The following NXPE4 variants were observed in gnomAD, a reference collection of about 807,000 sequenced individuals.
NXPE4 encodes NXPE family member 4.
A neutral mutation model predicts 33.3 loss-of-function variants in NXPE4; 42 were observed. That is an observed-to-expected ratio of 1.26 (90% CI 0.98 to 1.63). The LOEUF (loss-of-function observed/expected upper bound fraction) is 1.63. Ranked by LOEUF, NXPE4 falls within the 40% of genes most tolerant of loss-of-function variation. The pLI, the probability that NXPE4 is intolerant of heterozygous loss-of-function variation, is 0.00. For synonymous variants in NXPE4, 253 were observed against 234.9 expected, an observed-to-expected ratio of 1.08 and a Z score of -0.71; for missense variants, 709 against 647.6, an observed-to-expected ratio of 1.09 and a Z score of -1.03.
chr11:114,579,096 G>T (rs1257221283), intron 5 of NXPE4, among the ~76,000 whole-genome samples: 1 of 152,166 alleles, frequency 6.6e-6, no homozygotes, highest in Non-Finnish European at 1.5e-5. Context: ...CATGGCATCG[G>T]CATCTGTTCA....
Position 114,571,197 on chromosome 11 carries a change from T to A in NXPE4, c.1376A>T (p.Gln459Leu). The A allele has an allele frequency of 1.9e-6, 3 of 1,614,068 alleles. No individual in the cohort carries two copies. The highest frequency in any genetic ancestry group is 2.5e-6 in the Non-Finnish European group (3 of 1,179,958). ...GTCTGGGCTTCTCAGAAGAAGATGC[T>A]GAATGGCTTTGTGGACATTGAGGGC... is the stretch of plus-strand genomic sequence containing the variant. ...RRALNVHKAIQHLLLRSPDTM... is the reference protein window; with the variant it reads ...RRALNVHKAILHLLLRSPDTM... Residue 459 changes from glutamine to leucine, a missense_variant, in exon 6 of 6, where the codon CAG becomes CTG. Transcript: ENST00000375478.
At chr11:114,611,377 T>C in the NXPE4 span, among the ~76,000 whole-genome samples, 3 of 151,934 alleles carry the variant, frequency 2.0e-5, no homozygotes, top group African/African-American at 7.2e-5. Flanking sequence ...TAATAAGTGT[T>C]GCCTCGTGGG....
At chr11:114,618,204 T>C in the NXPE4 span, among the ~76,000 whole-genome samples, 2 of 150,252 alleles carry the variant, frequency 1.3e-5, no homozygotes, top group Admixed American at 1.3e-4. Flanking sequence ...ATTGCCTCAT[T>C]GGTCACCACT....
chr11:114,639,593 C>T, the NXPE4 span, among the ~76,000 whole-genome samples: 29 of 149,766 alleles, frequency 1.9e-4, no homozygotes, highest in African/African-American at 7.1e-4. Flanking sequence ...TGGAGCTGTT[C>T]CTATTCGGCC....
In NXPE4 at chr11:114,570,873, G is replaced by A; in HGVS notation, c.*65C>T. On this transcript the variant is annotated 3_prime_UTR_variant, in exon 6 of 6. Coordinates refer to ENST00000375478, the MANE Select transcript of NXPE4 (RefSeq NM_001077639.2). Reference sequence around the variant, plus strand: ...AATTCAGAGCCAAACACAGCATCTGGCCTGCTAGTAGACAGTCAATAAATT... The same window carrying A: ...AATTCAGAGCCAAACACAGCATCTGACCTGCTAGTAGACAGTCAATAAATT... 8.7e-7 allele frequency: 1 copy of A among 1,146,626 alleles called. No homozygotes were observed. The highest frequency in any genetic ancestry group is 1.6e-5 in the South Asian group (1 of 61,004). 71.0% of individuals were successfully genotyped at this position (1,146,626 alleles called of 1,614,324 possible). A position where few individuals can be genotyped will look rare whatever the true frequency, so the allele number is the denominator to read the frequency against.
At chr11:114,630,782 AG>A in the NXPE4 span, among the ~76,000 whole-genome samples, 2 of 151,888 alleles carry the variant, frequency 1.3e-5, no homozygotes, top group Admixed American at 1.3e-4. Context: ...CATCTGATAA[AG>A]GGTTAATATC....
At chr11:114,607,728 G>A in the NXPE4 span, among the ~76,000 whole-genome samples, 1 of 151,984 alleles carries the variant, frequency 6.6e-6, no homozygotes, top group Non-Finnish European at 1.5e-5. Flanking sequence ...TGCCTCGTGG[G>A]TAACCACAGT....
At chr11:114,572,321 T>C (rs580126) in intron 5 of NXPE4, among the ~76,000 whole-genome samples, 90,993 of 151,996 alleles carry the variant, frequency 0.6, 29,059 homozygotes, top group African/African-American at 0.84. Flanking sequence ...CTTTAACTCC[T>C]GCAAAAGACC....
the NXPE4 span, among the ~76,000 whole-genome samples, chr11:114,611,124 T>C: frequency 6.7e-6 from 1 of 149,626 alleles, no homozygotes; most frequent in Admixed American, 6.7e-5. Flanking sequence ...ATAGTTAGTA[T>C]TGCCTCATGG....
At chr11:114,662,360 G>A in the NXPE4 span, among the ~76,000 whole-genome samples, 1 of 152,156 alleles carries the variant, frequency 6.6e-6, no homozygotes. Context: ...GCCCTAGCCA[G>A]AGGGGAATTA....
chr11:114,598,155 G>A (rs1387056859), upstream of NXPE4, among the ~76,000 whole-genome samples: 1 of 152,178 alleles, frequency 6.6e-6, no homozygotes, highest in Non-Finnish European at 1.5e-5. Flanking sequence ...CTTCATGCAA[G>A]TTCAAAACTC....
chr11:114,663,667 C>CT, the NXPE4 span, among the ~76,000 whole-genome samples: 15 of 84,560 alleles, frequency 1.8e-4, no homozygotes, highest in African/African-American at 3.9e-4. Flanking sequence ...ATTTATCTAT[C>CT]ATCTATCTAT....
chr11:114,659,643 TATATC>T, the NXPE4 span, among the ~76,000 whole-genome samples: 1 of 152,090 alleles, frequency 6.6e-6, no homozygotes, highest in Non-Finnish European at 1.5e-5. Context: ...ATGAAAATAA[TATATC>T]AAAATATGGG....
chr11:114,639,336 G>T, the NXPE4 span, among the ~76,000 whole-genome samples: 2 of 152,048 alleles, frequency 1.3e-5, no homozygotes, highest in Admixed American at 1.3e-4. Context: ...CAGTATTAGG[G>T]TGGGAGTGAC....
At chr11:114,613,580 T>G in the NXPE4 span, among the ~76,000 whole-genome samples, 1 of 151,948 alleles carries the variant, frequency 6.6e-6, no homozygotes, top group African/African-American at 2.4e-5. Context: ...GTAACCACTG[T>G]TACCTGGTGG....
At chr11:114,635,717 G>T in the NXPE4 span, among the ~76,000 whole-genome samples, 1 of 152,018 alleles carries the variant, frequency 6.6e-6, no homozygotes, top group African/African-American at 2.4e-5. Flanking sequence ...CATCTATTGA[G>T]ATAATCATGT....
At chr11:114,629,607 G>C in the NXPE4 span, among the ~76,000 whole-genome samples, 7 of 151,918 alleles carry the variant, frequency 4.6e-5, no homozygotes, top group Non-Finnish European at 1.0e-4. Flanking sequence ...TTGAAAACTG[G>C]CACAAGACAG....
At chr11:114,665,179 A>C in the NXPE4 span, among the ~76,000 whole-genome samples, 1 of 152,172 alleles carries the variant, frequency 6.6e-6, no homozygotes, top group South Asian at 2.1e-4. Context: ...TAATGCCATT[A>C]TCTTAGCAAA....
At chr11:114,577,045 TTATA>T (rs370201249) in intron 5 of NXPE4, among the ~76,000 whole-genome samples, 1 of 25,836 alleles carries the variant, frequency 3.9e-5, no homozygotes, top group African/African-American at 1.9e-4. Context: ...ATATATAAAG[TTATA>T]TATATATACA....
Sources: gnomAD v4.1 joint callset for allele counts (sites outside exome capture counted in the v4.1 genomes callset) on GRCh38, gnomAD v4.1.1 for gene constraint, MANE v1.5 for transcripts, NCBI Gene and HGNC (gene_info 2026-07-23, HGNC 2026-07-21) for gene names.